TTC17: variants seen among roughly 807,000 people sequenced by gnomAD.
TTC17 encodes the protein tetratricopeptide repeat domain 17, also known as tetratricopeptide repeat protein 17.
In TTC17, 58 loss-of-function variants were observed where a neutral mutation model predicts 143.8. The ratio of observed to expected loss-of-function variants is 0.40; its 90% CI spans 0.33 to 0.50. The LOEUF is 0.50. TTC17 is among the 20% of genes least tolerant of loss of function. TTC17 has a pLI of 0.49. For synonymous variants in TTC17, 501 were observed against 497.8 expected (o/e 1.01, Z -0.09); for missense variants, 1,273 against 1,392.5 (o/e 0.91, Z 1.37).
intron 15 of TTC17, among the ~76,000 whole-genome samples, chr11:43,412,517 A>G (rs1444378120): frequency 1.3e-5 from 2 of 152,122 alleles, no homozygotes; most frequent in Non-Finnish European, 2.9e-5. Flanking sequence ...AAGATATACA[A>G]TATTTATATA....
Position 43,493,908 on chromosome 11 carries a change from A to G in TTC17, c.*4A>G. The G allele has an allele frequency of 6.3e-7, 1 of 1,576,966 alleles. No homozygotes were observed. Among genetic ancestry groups the G allele is most frequent in the Non-Finnish European group, 8.6e-7 (1 of 1,159,628 alleles). ...GAAGGGACGGCGCTCTCCTTAGTGC[A>G]CTTCTTCCTTCTCTCTTTCTCTTTA... On this transcript the variant is annotated 3_prime_UTR_variant, in exon 24 of 24. Transcript: ENST00000039989.
At chr11:43,363,580 A>AT (rs957723670) in intron 1 of TTC17, among the ~76,000 whole-genome samples, 1 of 152,238 alleles carries the variant, frequency 6.6e-6, no homozygotes, top group Non-Finnish European at 1.5e-5. Flanking sequence ...TGTCTTATAC[A>AT]TTTTAATATT....
At chr11:43,429,914 G>C (rs992603388) in intron 16 of TTC17, among the ~76,000 whole-genome samples, 1 of 152,202 alleles carries the variant, frequency 6.6e-6, no homozygotes, top group Non-Finnish European at 1.5e-5. Context: ...AAGCCTGTTG[G>C]AGCAGGGATG....
intron 21 of TTC17, among the ~76,000 whole-genome samples, chr11:43,475,701 G>A (rs1486198234): frequency 6.6e-6 from 1 of 152,176 alleles, no homozygotes; most frequent in Non-Finnish European, 1.5e-5. Flanking sequence ...AGTCCAAAAT[G>A]TTCCAATGAG....
rs187588294 is a variant in TTC17, at chr11:43,368,607, G to A, written c.159+9494G>A. Among the ~76,000 whole-genome samples, 189 of 152,244 alleles carry A rather than the reference G, an allele frequency of 1.2e-3. 2 individuals carry two copies. The highest frequency in any genetic ancestry group is 9.1e-3 in the Admixed American group (139 of 15,290). On this transcript the variant is annotated intron_variant, in intron 1 of 23. Transcript: ENST00000039989. ...CATCTCTTTGCAGAACCTATGCAGTGGCTTCCTACCTGGTCTCCTTGCTTC... is the reference window on the plus strand; with the variant it reads ...CATCTCTTTGCAGAACCTATGCAGTAGCTTCCTACCTGGTCTCCTTGCTTC...
chr11:43,393,497 C>T (rs1857466172), intron 5 of TTC17, among the ~76,000 whole-genome samples: 1 of 152,114 alleles, frequency 6.6e-6, no homozygotes, highest in Non-Finnish European at 1.5e-5. Flanking sequence ...AACCCAGAAG[C>T]TCTCAAAACT....
At chr11:43,411,970 T>C (rs190937171) in intron 15 of TTC17, among the ~76,000 whole-genome samples, 33 of 152,330 alleles carry the variant, frequency 2.2e-4, no homozygotes, top group African/African-American at 7.9e-4. Flanking sequence ...TAGGGATATA[T>C]TGTACAGTTT....
chr11:43,375,295 T>C (rs1856721334), intron 1 of TTC17, among the ~76,000 whole-genome samples: 1 of 152,072 alleles, frequency 6.6e-6, no homozygotes, highest in Admixed American at 6.6e-5. Flanking sequence ...GCTTCCCATA[T>C]GGGGAAGGAA....
chr11:43,472,396 G>A (rs1231579990), intron 21 of TTC17, among the ~76,000 whole-genome samples: 1 of 152,094 alleles, frequency 6.6e-6, no homozygotes, highest in Non-Finnish European at 1.5e-5. Context: ...AGTTGGTGTA[G>A]TTATACTAAT....
intron 1 of TTC17, among the ~76,000 whole-genome samples, chr11:43,361,384 C>T (rs376849404): frequency 2.6e-5 from 4 of 152,198 alleles, no homozygotes; most frequent in Non-Finnish European, 4.4e-5. Flanking sequence ...TGCTGATAAA[C>T]TCATTGTAAG....
intron 16 of TTC17, among the ~76,000 whole-genome samples, chr11:43,416,013 G>A (rs907906662): frequency 1.6e-4 from 24 of 152,040 alleles, no homozygotes; most frequent in Non-Finnish European, 3.1e-4. Context: ...TATATTTATG[G>A]ATACATAATA....
chr11:43,377,579 G>C (rs988787385), intron 1 of TTC17, among the ~76,000 whole-genome samples: 2 of 152,150 alleles, frequency 1.3e-5, no homozygotes, highest in African/African-American at 4.8e-5. Flanking sequence ...TTTGCCATTT[G>C]CTGTCACCTC....
intron 18 of TTC17, among the ~76,000 whole-genome samples, chr11:43,445,253 A>C (rs773041699): frequency 5.3e-5 from 8 of 152,192 alleles, no homozygotes; most frequent in Non-Finnish European, 1.0e-4. Context: ...TACATCTTAC[A>C]GTTGATAGTA....
chr11:43,385,375 C>A (rs1273331377), intron 2 of TTC17, among the ~76,000 whole-genome samples: 5 of 152,086 alleles, frequency 3.3e-5, no homozygotes, highest in South Asian at 2.1e-4. Flanking sequence ...TCTCTGATCA[C>A]AGTGCAATTA....
intron 18 of TTC17, chr11:43,445,819 A>G: frequency 1.5e-6 from 1 of 668,822 alleles, no homozygotes; most frequent in Non-Finnish European, 2.7e-6. Flanking sequence ...AAAGCAAAGT[A>G]TTAAATAGTT....
At chr11:43,425,370 C>G (rs1002100097) in intron 16 of TTC17, among the ~76,000 whole-genome samples, 6 of 152,084 alleles carry the variant, frequency 3.9e-5, no homozygotes, top group Middle Eastern at 3.2e-3. Flanking sequence ...AATACACAAC[C>G]TATTCTACGT....
At chr11:43,395,394 C>A (rs1486757442) in intron 5 of TTC17, 1 of 152,168 alleles carries the variant, frequency 6.6e-6, no homozygotes, top group African/African-American at 2.4e-5. Flanking sequence ...GCCACCGCGC[C>A]CGGCCTCATG....
chr11:43,463,062 T>C (rs1488398938), intron 21 of TTC17, among the ~76,000 whole-genome samples: 1 of 151,924 alleles, frequency 6.6e-6, no homozygotes, highest in East Asian at 1.9e-4. Flanking sequence ...ACTACAGGCG[T>C]GCGCCACCAC....
At chr11:43,407,898 A>G (rs1858218930) in intron 15 of TTC17, among the ~76,000 whole-genome samples, 1 of 151,616 alleles carries the variant, frequency 6.6e-6, no homozygotes, top group African/African-American at 2.4e-5. Flanking sequence ...ATTTTATCCT[A>G]CTCATCACAG....
Sources: allele counts gnomAD v4.1 joint callset (sites outside exome capture counted in the v4.1 genomes callset), GRCh38; gene constraint gnomAD v4.1.1; transcripts MANE v1.5; gene names NCBI Gene and HGNC (gene_info 2026-07-23, HGNC 2026-07-21).